EGF: variants seen among roughly 807,000 people sequenced by gnomAD.
EGF encodes pro-epidermal growth factor.
A neutral mutation model predicts 143.8 loss-of-function variants in EGF; 95 were observed. That is an observed-to-expected ratio of 0.66 (90% CI 0.56 to 0.78). The LOEUF is 0.78. EGF is among the 30% of genes least tolerant of loss of function. EGF has a pLI of 0.00. For missense variants in EGF, 1,320 were observed against 1,470.9 expected (o/e 0.90, Z 1.68); for synonymous variants, 510 against 510.5 (o/e 1.00, Z 0.01).
Position 109,999,662 on chromosome 4 carries a change from T to C in EGF, c.3006-17T>C, listed in dbSNP as rs200368013. On this transcript the variant is annotated splice_polypyrimidine_tract_variant and intron_variant, in intron 20 of 23. Transcript: ENST00000265171. ...GGCCAGGCATCTCTGATGACCTCTG[T>C]TTGTGTGTTGTCACAGCTGTGTTGT... is the stretch of plus-strand genomic sequence containing the variant. 1.5e-4 allele frequency: 237 copies of C among 1,614,100 alleles called. 1 individual carries two copies. In the Middle Eastern group the frequency reaches 3.5e-3, roughly 24 times the overall value.
chr4:109,945,920 G>A (rs768384109), intron 5 of EGF, among the ~76,000 whole-genome samples: 25 of 152,266 alleles, frequency 1.6e-4, no homozygotes, highest in African/African-American at 5.1e-4. Context: ...TGGTAGAGAG[G>A]GGGTACCTAT....
At chr4:109,980,731 AG>A in intron 14 of EGF, 94 bp from the exon 15 acceptor site, 1 of 1,395,464 alleles carries the variant, frequency 7.2e-7, no homozygotes, top group African/African-American at 1.4e-5. Context: ...TCTCCCTAAA[AG>A]CTATAGCTCC....
Position 109,976,079 on chromosome 4 carries a change from C to G in EGF, c.1897C>G (p.Arg633Gly). The change falls in exon 13 of 24, where the codon CGT becomes GGT. Residue 633 changes from arginine (R) to glycine (G), a missense_variant. Transcript: ENST00000265171. ...IESSSLQGLG[R>G]LVIASSDLIW... ...AAGTTCTTCCCTCCAAGGCCTTGGCCGTCTGGTTATAGCCAGCTCTGATCT... is the reference window on the plus strand; with the variant it reads ...AAGTTCTTCCCTCCAAGGCCTTGGCGGTCTGGTTATAGCCAGCTCTGATCT... The G allele has an allele frequency of 1.9e-6, 3 of 1,614,070 alleles. No individual in the cohort carries two copies. The highest frequency in any genetic ancestry group is 2.5e-6 in the Non-Finnish European group (3 of 1,179,924).
At chr4:109,991,711 G>C (rs957099855) in intron 18 of EGF, among the ~76,000 whole-genome samples, 9 of 152,206 alleles carry the variant, frequency 5.9e-5, no homozygotes, top group Non-Finnish European at 1.2e-4. Flanking sequence ...TCAATGACAG[G>C]ATGTCTATAC....
chr4:109,991,362 G>A (rs977554029), intron 18 of EGF, among the ~76,000 whole-genome samples: 11 of 152,094 alleles, frequency 7.2e-5, no homozygotes, highest in Admixed American at 2.0e-4. Flanking sequence ...CTCAAATGGC[G>A]AAGGCTAGGA....
chr4:109,989,815 G>A (rs535432576), intron 18 of EGF, among the ~76,000 whole-genome samples: 10 of 151,838 alleles, frequency 6.6e-5, no homozygotes, highest in Non-Finnish European at 1.3e-4. Flanking sequence ...TTCCAGTATC[G>A]AGCACGCAAT....
Position 109,961,914 on chromosome 4 carries a change from T to C in EGF, c.1241T>C (p.Leu414Pro). ...NVSECSHDCV[L>P]TSEGPLCFCP... ...TCTGAATGCAGCCATGACTGTGTTCTGACATCAGAAGGTCCCTTATGTTTC... is the reference window on the plus strand; with the variant it reads ...TCTGAATGCAGCCATGACTGTGTTCCGACATCAGAAGGTCCCTTATGTTTC... The change falls in exon 8 of 24, where the codon CTG becomes CCG. Residue 414 changes from leucine to proline, a missense_variant. Transcript: ENST00000265171. The C allele has an allele frequency of 6.2e-7, 1 of 1,613,998 alleles. No individual in the cohort carries two copies. Among genetic ancestry groups the C allele is most frequent in the South Asian group, 1.1e-5 (1 of 91,084 alleles).
At chr4:109,988,818 C>A in intron 18 of EGF, 109 bp downstream of exon 18, 1 of 1,521,504 alleles carries the variant, frequency 6.6e-7, no homozygotes, top group Non-Finnish European at 9.0e-7. Flanking sequence ...GGGTGACACA[C>A]ATGTCAAGAT....
At chr4:109,957,812 C>T (rs1178634479) in intron 5 of EGF, among the ~76,000 whole-genome samples, 2 of 152,234 alleles carry the variant, frequency 1.3e-5, no homozygotes, top group African/African-American at 2.4e-5. Flanking sequence ...AATGCCATGG[C>T]TTCAGAATCC....
intron 10 of EGF, among the ~76,000 whole-genome samples, chr4:109,966,632 G>T (rs1746644806): frequency 6.6e-6 from 1 of 152,020 alleles, no homozygotes; most frequent in African/African-American, 2.4e-5. Flanking sequence ...TTTCCCTAGA[G>T]GATTGCAAAT....
intron 11 of EGF, among the ~76,000 whole-genome samples, chr4:109,969,815 T>G (rs1747279396): frequency 6.6e-6 from 1 of 152,052 alleles, no homozygotes; most frequent in African/African-American, 2.4e-5. Context: ...AAGGTATATT[T>G]CCCCAGCAAA....
chr4:109,914,941 T>C (rs1010277135), intron 1 of EGF, among the ~76,000 whole-genome samples: 1 of 152,186 alleles, frequency 6.6e-6, no homozygotes, highest in African/African-American at 2.4e-5. Context: ...GTTGGGCCGA[T>C]CTATCAGGCA....
rs1754090276 is a variant in EGF, at chr4:110,012,548, A to G, written c.*1093A>G. ...GCCACCATGCCTGGCTAAGGTTTTT[A>G]TTTTTATTTTTTGTAGACATGGGGA... On this transcript the variant is annotated 3_prime_UTR_variant, in exon 24 of 24. Coordinates refer to ENST00000265171, the MANE Select transcript of EGF (RefSeq NM_001963.6). Among the ~76,000 whole-genome samples the G allele has an allele frequency of 6.6e-6, 1 of 151,800 alleles. No individual in the cohort carries two copies. Among genetic ancestry groups the G allele is most frequent in the African/African-American group, 2.4e-5 (1 of 41,342 alleles).
intron 5 of EGF, among the ~76,000 whole-genome samples, chr4:109,956,927 C>G (rs1464394440): frequency 6.6e-6 from 1 of 152,088 alleles, no homozygotes; most frequent in Non-Finnish European, 1.5e-5. Flanking sequence ...GTACATTAGG[C>G]CAGTGTTTCT....
chr4:109,975,134 T>C (rs1337528763), intron 12 of EGF, among the ~76,000 whole-genome samples: 2 of 152,228 alleles, frequency 1.3e-5, no homozygotes, highest in African/African-American at 4.8e-5. Context: ...TTGGATTATA[T>C]GACTTATAGA....
At chr4:109,975,464 T>A (rs1250023293) in intron 12 of EGF, among the ~76,000 whole-genome samples, 1 of 152,194 alleles carries the variant, frequency 6.6e-6, no homozygotes, top group East Asian at 1.9e-4. Context: ...AATAGGCCAA[T>A]AAAAATTATG....
intron 2 of EGF, among the ~76,000 whole-genome samples, chr4:109,942,355 G>T (rs1031290206): frequency 2.0e-5 from 3 of 152,130 alleles, no homozygotes; most frequent in South Asian, 4.1e-4. Flanking sequence ...GAATGGATTG[G>T]GTTGGTGCAA....
In EGF at chr4:109,963,260, A is replaced by G; in HGVS notation, c.1400A>G (p.Tyr467Cys). The G allele has an allele frequency of 6.2e-7, 1 of 1,614,058 alleles. No homozygotes were observed. The highest frequency in any genetic ancestry group is 8.5e-7 in the Non-Finnish European group (1 of 1,179,962). The change falls in exon 9 of 24, where the codon TAT becomes TGT. Residue 467 changes from tyrosine to cysteine, a missense_variant. By Grantham distance (194) the Tyr-to-Cys change is radical (BLOSUM62 -2). This residue lies in a region of EGF where 1,186 missense variants were observed against 1,313.7 expected (regional missense o/e 0.90). Coordinates refer to ENST00000265171, the MANE Select transcript of EGF (RefSeq NM_001963.6). ...TGGGAATGTGATTGCTTTCCTGGGTATGACCTACAACTGGATGAAAAAAGC... is the reference window on the plus strand; with the variant it reads ...TGGGAATGTGATTGCTTTCCTGGGTGTGACCTACAACTGGATGAAAAAAGC... ...VSWECDCFPG[Y>C]DLQLDEKSCA... is the part of the protein sequence containing the mutation.
In EGF at chr4:110,011,737, C is replaced by T. The variant is rs112146341; in HGVS notation, c.*282C>T. The T allele has an allele frequency of 8.6e-6, 4 of 464,666 alleles. No individual in the cohort carries two copies. Among genetic ancestry groups the T allele is most frequent in the South Asian group, 7.0e-5 (3 of 43,090 alleles). 28.8% of individuals were successfully genotyped at this position (464,666 alleles called of 1,614,324 possible). A position where few individuals can be genotyped will look rare whatever the true frequency, so the allele number is the denominator to read the frequency against. ...GCTTTGTAAATTGTGTTGTCTTCAGCAGTCAATACAAATAGATTTTTGTTT... is the reference window on the plus strand; with the variant it reads ...GCTTTGTAAATTGTGTTGTCTTCAGTAGTCAATACAAATAGATTTTTGTTT... On this transcript the variant is annotated 3_prime_UTR_variant, in exon 24 of 24. Coordinates refer to ENST00000265171, the MANE Select transcript of EGF (RefSeq NM_001963.6).
Sources: gnomAD v4.1 joint callset for allele counts (sites outside exome capture counted in the v4.1 genomes callset) on GRCh38, gnomAD v4.1.1 for gene constraint, gnomAD v4.1.1 regional missense constraint, MANE v1.5 for transcripts, NCBI Gene and HGNC (gene_info 2026-07-23, HGNC 2026-07-21) for gene names.